Variants in PDE2A observed in about 807,000 individuals in gnomAD.
The protein encoded by PDE2A is cGMP-dependent 3',5'-cyclic phosphodiesterase.
PDE2A carries 53 observed loss-of-function variants against 133.6 expected under a neutral mutation model. That is an observed-to-expected ratio of 0.40 (90% CI 0.32 to 0.50). The LOEUF is 0.50. Ranked by LOEUF, PDE2A falls within the 20% of genes least tolerant of loss-of-function variation. PDE2A has a pLI of 0.73. For missense variants in PDE2A, 796 were observed against 1,232.4 expected (o/e 0.65, Z 5.30); for synonymous variants, 491 against 490.2 (o/e 1.00, Z -0.02).
At chr11:72,637,620 G>A (rs757697557) in intron 2 of PDE2A, among the ~76,000 whole-genome samples, 3 of 152,250 alleles carry the variant, frequency 2.0e-5, no homozygotes, top group Non-Finnish European at 4.4e-5. Flanking sequence ...TCTGCGGGAA[G>A]TGCCCAGGCC....
rs1306285489 is a variant in PDE2A, at chr11:72,590,244, C to A, written c.704G>T (p.Gly235Val). ...DRDRKILQLC[G>V]ELYDLDASSL... ...AGAGGCATCCAGGTCGTAGAGTTCCCCTGCAAGGGCCAGGCGCCGGTCAGA... is the reference window on the plus strand; with the variant it reads ...AGAGGCATCCAGGTCGTAGAGTTCCACTGCAAGGGCCAGGCGCCGGTCAGA... Residue 235 changes from glycine to valine, a missense_variant and splice_region_variant, in exon 9 of 31, where the codon GGG becomes GTG. By Grantham distance (109) the Gly-to-Val change is moderately radical. This residue lies in a region of PDE2A where 417 missense variants were observed against 475.3 expected (regional missense o/e 0.88). Transcript: ENST00000334456. This position sits in a 1 kb window ranked among gnomAD's most constrained non-coding sequence, Gnocchi z 4.8. 6.4e-7 allele frequency: 1 copy of A among 1,551,482 alleles called. No individual in the cohort carries two copies. The highest frequency in any genetic ancestry group is 8.7e-7 in the Non-Finnish European group (1 of 1,146,880).
In PDE2A at chr11:72,642,282, G is replaced by C; in HGVS notation, c.116C>G (p.Pro39Arg). Residue 39 changes from proline (P) to arginine (R), a missense_variant, in exon 2 of 31, where the codon CCG (proline) becomes CGG (arginine). Physicochemically the swap from Pro to Arg is moderately radical, Grantham distance 103 (BLOSUM62 -2). Transcript: ENST00000334456. ...VFLKPDEPPP[P>R]PQPCADSLQD... The stretch of plus-strand genomic sequence containing the variant: ...CAGGCTGTCGGCGCATGGCTGCGGC[G>C]GCGGCGGCGGCTCGTCCGGCTTGAG... The C allele has an allele frequency of 6.6e-7, 1 of 1,518,688 alleles. No individual in the cohort carries two copies. Among genetic ancestry groups the C allele is most frequent in the Non-Finnish European group, 8.8e-7 (1 of 1,135,998 alleles). 94.1% of individuals were successfully genotyped at this position (1,518,688 alleles called of 1,614,324 possible).
chr11:72,606,070 C>G (rs115033325), intron 3 of PDE2A, among the ~76,000 whole-genome samples: 1 of 151,944 alleles, frequency 6.6e-6, no homozygotes, highest in African/African-American at 2.4e-5. Flanking sequence ...AAAGCTCTTG[C>G]TCTTTAATCC....
intron 1 of PDE2A, among the ~76,000 whole-genome samples, chr11:72,662,085 C>T (rs1032037969): frequency 6.6e-6 from 1 of 152,116 alleles, no homozygotes; most frequent in South Asian, 2.1e-4. Context: ...GTCCGGGTTT[C>T]GGTGTGTTGT....
At chr11:72,637,206 T>C (rs1195725313) in intron 2 of PDE2A, among the ~76,000 whole-genome samples, 1 of 152,184 alleles carries the variant, frequency 6.6e-6, no homozygotes, top group Non-Finnish European at 1.5e-5. Context: ...GGTCCCTGCT[T>C]TATATCACCA....
intron 6 of PDE2A, among the ~76,000 whole-genome samples, chr11:72,591,792 T>G (rs946250709): frequency 6.6e-6 from 1 of 152,160 alleles, no homozygotes; most frequent in Admixed American, 6.5e-5. Context: ...AGGAATGGGC[T>G]CAGTATGATG....
intron 1 of PDE2A, among the ~76,000 whole-genome samples, chr11:72,646,355 C>A (rs1859127325): frequency 6.6e-6 from 1 of 152,226 alleles, no homozygotes; most frequent in Non-Finnish European, 1.5e-5. Flanking sequence ...TTTCCTCACC[C>A]AGGCCAGATC....
intron 4 of PDE2A, chr11:72,598,634 C>G: frequency 1.6e-6 from 2 of 1,289,148 alleles, no homozygotes; most frequent in Non-Finnish European, 2.0e-6. Flanking sequence ...ACTTGGGGAA[C>G]TGTGTGCATA....
chr11:72,609,056 G>C (rs1005845037), intron 2 of PDE2A, among the ~76,000 whole-genome samples: 1 of 152,256 alleles, frequency 6.6e-6, no homozygotes, highest in East Asian at 1.9e-4. Context: ...TCTAGTCGAG[G>C]ACAATTCTGG....
chr11:72,634,301 C>T (rs1009708), intron 2 of PDE2A, among the ~76,000 whole-genome samples: 20,786 of 152,140 alleles, frequency 0.14, 1,500 homozygotes, highest in Middle Eastern at 0.17. Context: ...GTCACCACCA[C>T]ACCTGCTTCT....
chr11:72,593,693 A>C (rs1856353320), intron 6 of PDE2A, among the ~76,000 whole-genome samples: 1 of 152,152 alleles, frequency 6.6e-6, no homozygotes, highest in Non-Finnish European at 1.5e-5. Flanking sequence ...AGAGCCAAAG[A>C]CTTTCCACAC....
At chr11:72,591,434 G>A (rs1856244022) in intron 6 of PDE2A, 78 bp from the exon 7 acceptor site, 5 of 1,050,508 alleles carry the variant, frequency 4.8e-6, no homozygotes, top group Non-Finnish European at 7.4e-6. Context: ...CCCATGCGCA[G>A]CACACACTGG....
Position 72,651,400 on chromosome 11 carries a change from G to A in PDE2A, c.72-9074C>T, listed in dbSNP as rs116096394. On this transcript the variant is annotated intron_variant, in intron 1 of 30. Coordinates refer to ENST00000334456, the MANE Select transcript of PDE2A (RefSeq NM_002599.5). ...GTTGGGGATACCAAGGACTGGGATT[G>A]GGAGAGCCCAAGGAAATGAACACCC... 4.8e-3 allele frequency among the ~76,000 whole-genome samples: 738 copies of A among 152,204 alleles called. 5 individuals are homozygous for A. The highest frequency in any genetic ancestry group is 0.017 in the African/African-American group (706 of 41,522).
At position 72,577,521 on chromosome 11, in the gene PDE2A, T is replaced by C; in HGVS notation, c.2689A>G (p.Lys897Glu). Residue 897 changes from lysine to glutamate, a missense_variant, in exon 31 of 31, where the codon AAG (lysine) becomes GAG (glutamate). Physicochemically the swap from Lys to Glu is moderately conservative, Grantham distance 56 (BLOSUM62 1). Coordinates refer to ENST00000334456, the MANE Select transcript of PDE2A (RefSeq NM_002599.5). ...RVASNREHWT[K>E]VSHKFTIRGL... ...CGGATGGTGAACTTGTGGGACACCT[T>C]GGTCCAGTGCTCACGGTTGGAGGCC... The C allele has an allele frequency of 6.2e-7, 1 of 1,612,912 alleles. No individual in the cohort carries two copies. Among genetic ancestry groups the C allele is most frequent in the Non-Finnish European group, 8.5e-7 (1 of 1,180,016 alleles).
At chr11:72,635,916 C>T (rs1858660274) in intron 2 of PDE2A, 3 of 1,093,922 alleles carry the variant, frequency 2.7e-6, no homozygotes, top group Non-Finnish European at 3.5e-6. Context: ...CGGCCCTCTC[C>T]ATTCTTTCGG....
In PDE2A at chr11:72,576,218, C is replaced by G. The variant is rs1855470801; in HGVS notation, c.*1166G>C. On this transcript the variant is annotated 3_prime_UTR_variant, in exon 31 of 31. Transcript: ENST00000334456. ...CCATATACGACAGTTGCACAGAGTC[C>G]TAGAAAAACGCATCTCTCTAAAGGC... 2 of 152,592 alleles carry G rather than the reference C, an allele frequency of 1.3e-5. No individual in the cohort carries two copies. Among genetic ancestry groups the G allele is most frequent in the African/African-American group, 4.8e-5 (2 of 41,478 alleles). 9.5% of individuals were successfully genotyped at this position (152,592 alleles called of 1,614,324 possible). A position where few individuals can be genotyped will look rare whatever the true frequency, so the allele number is the denominator to read the frequency against.
At chr11:72,652,036 G>A (rs1359509518) in intron 1 of PDE2A, among the ~76,000 whole-genome samples, 1 of 152,248 alleles carries the variant, frequency 6.6e-6, no homozygotes, top group Non-Finnish European at 1.5e-5. Flanking sequence ...GTGTGGCCAT[G>A]GTGGCCTTGG....
At chr11:72,608,605 G>T in intron 3 of PDE2A, 57 bp downstream of exon 3, 1 of 870,248 alleles carries the variant, frequency 1.1e-6, no homozygotes, top group Non-Finnish European at 1.9e-6. Context: ...ACAGCATAGA[G>T]CTGGTCAAAG....
At chr11:72,630,218 A>T (rs1858307235) in intron 2 of PDE2A, among the ~76,000 whole-genome samples, 1 of 152,188 alleles carries the variant, frequency 6.6e-6, no homozygotes, top group African/African-American at 2.4e-5. Flanking sequence ...TAGAAGGTTC[A>T]GGAATGAAGA....
Sources: allele counts gnomAD v4.1 joint callset (sites outside exome capture counted in the v4.1 genomes callset), GRCh38; gene constraint gnomAD v4.1.1; regional missense constraint gnomAD v4.1.1; non-coding constraint Gnocchi (gnomAD v3.1); transcripts MANE v1.5; gene names NCBI Gene and HGNC (gene_info 2026-07-23, HGNC 2026-07-21).